Variants in ARID1B observed in about 807,000 individuals in gnomAD.
The protein encoded by ARID1B is AT-rich interactive domain-containing protein 1B.
ARID1B carries 30 observed loss-of-function variants against 212.3 expected under a neutral mutation model. That is an observed-to-expected ratio of 0.14 (90% CI 0.11 to 0.19). The LOEUF is 0.19. Among genes scored for constraint, ARID1B ranks in the 10% least tolerant of loss-of-function variants. The probability of loss-of-function intolerance (pLI) is 1.00; values close to 1 mark genes in which losing one functional copy is unlikely to be tolerated. For synonymous variants in ARID1B, 1,402 were observed against 1,301.7 expected (o/e 1.08, Z -1.66); for missense variants, 2,891 against 3,204.0 (o/e 0.90, Z 2.36).
intron 7 of ARID1B, among the ~76,000 whole-genome samples, chr6:157,143,865 CT>C (rs1180769989): frequency 6.6e-6 from 1 of 152,154 alleles, no homozygotes; most frequent in African/African-American, 2.4e-5. Flanking sequence ...AACATTTTTC[CT>C]TGACATGCAC....
At chr6:157,021,236 T>G (rs1156517156) in intron 4 of ARID1B, among the ~76,000 whole-genome samples, 1 of 152,196 alleles carries the variant, frequency 6.6e-6, no homozygotes, top group Non-Finnish European at 1.5e-5. Context: ...TTCTTTTGTT[T>G]TATTCAAGCC....
At chr6:156,957,771 A>G (rs1363842429) in intron 4 of ARID1B, among the ~76,000 whole-genome samples, 3 of 151,826 alleles carry the variant, frequency 2.0e-5, no homozygotes, top group Non-Finnish European at 4.4e-5. Flanking sequence ...GCTTTTCATG[A>G]CTCTCACTTT....
chr6:156,790,081 T>C (rs562184665), intron 1 of ARID1B, among the ~76,000 whole-genome samples: 2 of 152,242 alleles, frequency 1.3e-5, no homozygotes, highest in Non-Finnish European at 2.9e-5. Context: ...TTTTCAAATT[T>C]CCTGATATGT....
intron 2 of ARID1B, among the ~76,000 whole-genome samples, chr6:156,879,152 G>A (rs962029024): frequency 2.0e-5 from 3 of 152,160 alleles, no homozygotes; most frequent in Non-Finnish European, 2.9e-5. Flanking sequence ...TCATACCCAC[G>A]CACTCGGAGC....
At position 156,983,926 on chromosome 6, in the gene ARID1B, C is replaced by T. The variant is rs571257235; in HGVS notation, c.2247+48350C>T. Reference sequence around the variant, plus strand: ...GCACCCCTCAGCCAGTTAGGATTGACCTTGCTTTTCTCATTCCTGTGTTTG... The same window carrying T: ...GCACCCCTCAGCCAGTTAGGATTGATCTTGCTTTTCTCATTCCTGTGTTTG... On this transcript the variant is annotated intron_variant, in intron 4 of 19. Transcript: ENST00000636930. Among the ~76,000 whole-genome samples the T allele has an allele frequency of 1.1e-3, 174 of 152,282 alleles. 5 individuals carry two copies. In the South Asian group the frequency reaches 0.032, roughly 28 times the overall value.
At chr6:156,848,152 A>G (rs1562432335) in intron 2 of ARID1B, among the ~76,000 whole-genome samples, 2 of 152,362 alleles carry the variant, frequency 1.3e-5, no homozygotes, top group South Asian at 2.1e-4. Context: ...TCCGATTAAT[A>G]CTTATGAACC....
intron 13 of ARID1B, among the ~76,000 whole-genome samples, chr6:157,187,273 C>T (rs1793039638): frequency 6.6e-6 from 1 of 152,158 alleles, no homozygotes; most frequent in African/African-American, 2.4e-5. Context: ...TGGAGCTCCA[C>T]ATTCGGTTAA....
At chr6:157,099,182 A>G (rs759812584) in intron 5 of ARID1B, among the ~76,000 whole-genome samples, 8 of 152,162 alleles carry the variant, frequency 5.3e-5, no homozygotes, top group Non-Finnish European at 1.0e-4. Flanking sequence ...TCCTGACCTC[A>G]AGCAATCTGC....
intron 4 of ARID1B, among the ~76,000 whole-genome samples, chr6:157,051,286 A>C (rs1303566691): frequency 6.6e-6 from 1 of 152,182 alleles, no homozygotes; most frequent in Non-Finnish European, 1.5e-5. Context: ...GAGTTTTTTT[A>C]TGGCTTGTGG....
At chr6:157,096,623 C>G (rs1229215543) in intron 5 of ARID1B, among the ~76,000 whole-genome samples, 1 of 152,232 alleles carries the variant, frequency 6.6e-6, no homozygotes, top group Non-Finnish European at 1.5e-5. Flanking sequence ...TCCTTGTCCC[C>G]TGGCACTCAG....
intron 1 of ARID1B, among the ~76,000 whole-genome samples, chr6:156,822,980 C>T (rs1782465739): frequency 6.6e-6 from 1 of 152,166 alleles, no homozygotes; most frequent in Non-Finnish European, 1.5e-5. Context: ...ATTTAGACAC[C>T]ATCACAGAAA....
intron 3 of ARID1B, among the ~76,000 whole-genome samples, chr6:156,934,312 C>T (rs1562494252): frequency 6.6e-6 from 1 of 151,660 alleles, no homozygotes; most frequent in Non-Finnish European, 1.5e-5. Context: ...TGAGCATACA[C>T]AGGTAGCTAG....
intron 8 of ARID1B, among the ~76,000 whole-genome samples, chr6:157,162,511 G>A (rs978369209): frequency 3.3e-5 from 5 of 152,214 alleles, no homozygotes; most frequent in Admixed American, 2.0e-4. Context: ...TGTGCAGCCC[G>A]TGGGCAGGAA....
At chr6:156,947,460 A>G (rs1470742053) in intron 4 of ARID1B, among the ~76,000 whole-genome samples, 1 of 151,852 alleles carries the variant, frequency 6.6e-6, no homozygotes, top group African/African-American at 2.4e-5. Context: ...AGGGCGTGTG[A>G]GTATGGGGCG....
chr6:157,190,174 G>A lies in ARID1B; in HGVS notation c.4195G>A (p.Glu1399Lys). The A allele has an allele frequency of 1.2e-6, 2 of 1,613,958 alleles. No homozygotes were observed. The highest frequency in any genetic ancestry group is 1.7e-6 in the Non-Finnish European group (2 of 1,179,972). ...CGATGTGATGGGCAGGATGCCCTATGAGCCCAACAAGGACCCCTTTGGGGG... is the reference window on the plus strand; with the variant it reads ...CGATGTGATGGGCAGGATGCCCTATAAGCCCAACAAGGACCCCTTTGGGGG... ...MPDVMGRMPY[E>K]PNKDPFGGMR... Residue 1399 changes from glutamate to lysine, a missense_variant, in exon 15 of 20, where the codon GAG becomes AAG. Transcript: ENST00000636930. This position sits in a 1 kb window ranked among gnomAD's most constrained non-coding sequence, Gnocchi z 4.6.
chr6:156,904,064 C>CGTCTTAGT (rs1323984633), intron 3 of ARID1B, among the ~76,000 whole-genome samples: 8 of 152,242 alleles, frequency 5.3e-5, no homozygotes, highest in African/African-American at 1.9e-4. Context: ...AGTCTCTTCC[C>CGTCTTAGT]GTCTTAGTTC....
At chr6:157,077,409 G>C (rs542318439) in intron 4 of ARID1B, among the ~76,000 whole-genome samples, 1 of 152,160 alleles carries the variant, frequency 6.6e-6, no homozygotes, top group South Asian at 2.1e-4. Context: ...GCATAAGCAC[G>C]TGAGGCCATG....
chr6:157,048,743 G>T (rs1039556744), intron 4 of ARID1B, among the ~76,000 whole-genome samples: 2 of 152,148 alleles, frequency 1.3e-5, no homozygotes, highest in Non-Finnish European at 2.9e-5. Flanking sequence ...CCTGAATTCG[G>T]CTGGTGTCTT....
In ARID1B at chr6:157,209,284, A is replaced by G. The variant is rs1794665023; in HGVS notation, c.*1393A>G. On this transcript the variant is annotated 3_prime_UTR_variant, in exon 20 of 20. Transcript: ENST00000636930. ...AGCACTGTGATGGGTGTTCTTGAATACTGTTCTAGTTTCCTTAAAGTGGTT... is the reference window on the plus strand; with the variant it reads ...AGCACTGTGATGGGTGTTCTTGAATGCTGTTCTAGTTTCCTTAAAGTGGTT... The G allele has an allele frequency of 1.3e-5, 3 of 232,384 alleles. No homozygotes were observed. Among genetic ancestry groups the G allele is most frequent in the Non-Finnish European group, 2.6e-5 (3 of 117,316 alleles). The allele number at this position is 232,384 out of a possible 1,614,324, so 14.4% of individuals were successfully genotyped here.
Sources: allele counts gnomAD v4.1 joint callset (sites outside exome capture counted in the v4.1 genomes callset), GRCh38; gene constraint gnomAD v4.1.1; non-coding constraint Gnocchi (gnomAD v3.1); transcripts MANE v1.5; gene names NCBI Gene and HGNC (gene_info 2026-07-23, HGNC 2026-07-21).